ADCY1: variants seen among roughly 807,000 people sequenced by gnomAD.
The protein encoded by ADCY1 is adenylate cyclase type 1.
ADCY1 carries 28 observed loss-of-function variants against 105.4 expected under a neutral mutation model. That is an observed-to-expected ratio of 0.27 (90% CI 0.20 to 0.36). ADCY1 has a LOEUF of 0.36. Among genes scored for constraint, ADCY1 ranks in the 10% least tolerant of loss-of-function variants. The pLI is 1.00. For synonymous variants in ADCY1, 655 were observed against 623.8 expected, an observed-to-expected ratio of 1.05 and a Z score of -0.75; for missense variants, 977 against 1,434.2, an observed-to-expected ratio of 0.68 and a Z score of 5.15.
At chr7:45,711,881 T>C (rs1456510629) in intron 19 of ADCY1, among the ~76,000 whole-genome samples, 4 of 112,796 alleles carry the variant, frequency 3.5e-5, no homozygotes, top group African/African-American at 1.4e-4. Flanking sequence ...ATTAAATATA[T>C]AAATATATTT....
intron 17 of ADCY1, 40 bp downstream of exon 17, chr7:45,704,656 C>A: frequency 6.4e-7 from 1 of 1,550,742 alleles, no homozygotes; most frequent in Non-Finnish European, 8.9e-7. Flanking sequence ...GGACTGGGTC[C>A]AAGCTCTGCC....
At chr7:45,582,915 A>G (rs902383040) in intron 1 of ADCY1, among the ~76,000 whole-genome samples, 3 of 152,170 alleles carry the variant, frequency 2.0e-5, no homozygotes, top group African/African-American at 7.2e-5. Context: ...TGAAGGCAGC[A>G]CAGTCCCTGG....
At chr7:45,588,601 C>T (rs1388249615) in intron 1 of ADCY1, among the ~76,000 whole-genome samples, 1 of 151,336 alleles carries the variant, frequency 6.6e-6, no homozygotes, top group Non-Finnish European at 1.5e-5. Flanking sequence ...AGGGGCTGGC[C>T]CTGGTGATGT....
chr7:45,639,805 C>G (rs1399520490), intron 4 of ADCY1, among the ~76,000 whole-genome samples: 1 of 152,104 alleles, frequency 6.6e-6, no homozygotes, highest in African/African-American at 2.4e-5. Context: ...TGAGGTTAGA[C>G]AACCCCCATG....
intron 6 of ADCY1, among the ~76,000 whole-genome samples, chr7:45,658,650 G>A (rs932204331): frequency 2.6e-5 from 4 of 152,238 alleles, no homozygotes; most frequent in Admixed American, 1.3e-4. Flanking sequence ...TCCCAAGGCC[G>A]GGCTATGCAG....
chr7:45,700,273 A>G (rs998028612), intron 14 of ADCY1, among the ~76,000 whole-genome samples: 4 of 152,188 alleles, frequency 2.6e-5, no homozygotes, highest in African/African-American at 9.7e-5. Flanking sequence ...CCATGCAGAG[A>G]CGTGCATCAC....
chr7:45,662,263 C>A lies in ADCY1; in HGVS notation c.1605+49C>A, dbSNP rs1178392447. 3 of 1,573,590 alleles carry A rather than the reference C, an allele frequency of 1.9e-6. No homozygotes were observed. The South Asian group carries it at 3.5e-5, about 18-fold the overall frequency. ...CATGCTGGAGCTGCCAGGGACTGAT[C>A]TCTGTCCTGCCCTCCCAATATGGCC... On this transcript the variant is annotated intron_variant, in intron 8 of 19. Transcript: ENST00000297323.
intron 1 of ADCY1, among the ~76,000 whole-genome samples, chr7:45,587,558 T>C (rs1435859538): frequency 6.6e-6 from 1 of 152,122 alleles, no homozygotes; most frequent in South Asian, 2.1e-4. Flanking sequence ...CACCTGTCTC[T>C]GGAGGGGAGG....
At chr7:45,681,163 G>A (rs1324424280) in intron 11 of ADCY1, among the ~76,000 whole-genome samples, 2 of 152,196 alleles carry the variant, frequency 1.3e-5, no homozygotes, top group African/African-American at 2.4e-5. Context: ...GAAAACTCTC[G>A]GTTCTAAAAA....
rs1785444249 is a variant in ADCY1 at position 45,720,174 on chromosome 7, C to CT, written c.*6181dup. 6.6e-6 allele frequency: 1 copy of CT among 152,010 alleles called. No individual in the cohort carries two copies. Among genetic ancestry groups the CT allele is most frequent in the Admixed American group, 6.5e-5 (1 of 15,270 alleles). 9.4% of individuals were successfully genotyped at this position (152,010 alleles called of 1,614,324 possible). Reference sequence around the variant, plus strand: ...AGAGCAACAACAGACAGGTGACCTTCTTGGGTTGTGCTTCACAATGGACTG... The same window carrying CT: ...AGAGCAACAACAGACAGGTGACCTTCTTTGGGTTGTGCTTCACAATGGACTG... On this transcript the variant is annotated 3_prime_UTR_variant, in exon 20 of 20. Coordinates refer to ENST00000297323, the MANE Select transcript of ADCY1 (RefSeq NM_021116.4).
intron 8 of ADCY1, 89 bp downstream of exon 8, chr7:45,662,303 C>A: frequency 7.1e-7 from 1 of 1,404,102 alleles, no homozygotes; most frequent in South Asian, 1.4e-5. Context: ...TGCCATTTGG[C>A]TAGATCAGAA....
chr7:45,673,260 G>A (rs575793942), intron 8 of ADCY1, among the ~76,000 whole-genome samples: 5 of 151,898 alleles, frequency 3.3e-5, no homozygotes, highest in African/African-American at 4.8e-5. Flanking sequence ...TACTATCTTC[G>A]TCTGGTGTTG....
At chr7:45,628,864 T>C (rs1053109278) in intron 4 of ADCY1, among the ~76,000 whole-genome samples, 3 of 152,140 alleles carry the variant, frequency 2.0e-5, no homozygotes, top group Non-Finnish European at 4.4e-5. Context: ...CAGCTCCTCA[T>C]GGGGTGAGCA....
Position 45,660,916 on chromosome 7 carries a change from A to C in ADCY1, c.1449+733A>C, listed in dbSNP as rs150978017. 1.3e-3 allele frequency among the ~76,000 whole-genome samples: 182 copies of C among 145,110 alleles called. 1 individual carries two copies. The highest frequency in any genetic ancestry group is 4.3e-3 in the African/African-American group (165 of 38,190). On this transcript the variant is annotated intron_variant, in intron 7 of 19. Transcript: ENST00000297323. ...CAGGGCTCGTGAGGATGCAGGGCTC[A>C]ATTGAGGGTGTAGGGCTCAGGTCAG...
chr7:45,686,253 C>A lies in ADCY1; in HGVS notation c.2327+38C>A, dbSNP rs191885875. ...CTCCTCAAGAAAAAGGCCTAAGCAG[C>A]GGTGCTACTGAATCTGTGTATACAG... is the stretch of plus-strand genomic sequence containing the variant. On this transcript the variant is annotated intron_variant, in intron 13 of 19. Coordinates refer to ENST00000297323, the MANE Select transcript of ADCY1 (RefSeq NM_021116.4). This position sits in a 1 kb window ranked among gnomAD's most constrained non-coding sequence, Gnocchi z 4.3. The A allele has an allele frequency of 5.6e-6, 9 of 1,596,820 alleles. No individual in the cohort carries two copies. Among genetic ancestry groups the A allele is most frequent in the Non-Finnish European group, 7.7e-6 (9 of 1,170,924 alleles).
chr7:45,589,962 G>A (rs1454904372), intron 1 of ADCY1, among the ~76,000 whole-genome samples: 1 of 152,120 alleles, frequency 6.6e-6, no homozygotes, highest in Non-Finnish European at 1.5e-5. Flanking sequence ...TCCCATTCTC[G>A]TGAGGACAGA....
At chr7:45,593,068 T>C (rs1338118488) in intron 2 of ADCY1, among the ~76,000 whole-genome samples, 160 bp downstream of exon 2, 1 of 151,982 alleles carries the variant, frequency 6.6e-6, no homozygotes, top group Non-Finnish European at 1.5e-5. Flanking sequence ...TGCCCTGAGG[T>C]TTTATAGTTA....
At position 45,720,963 on chromosome 7, in the gene ADCY1, G is replaced by C. The variant is rs1215839704; in HGVS notation, c.*6968G>C. 2 of 152,264 alleles carry C rather than the reference G, an allele frequency of 1.3e-5. No individual in the cohort carries two copies. The highest frequency in any genetic ancestry group is 4.8e-5 in the African/African-American group (2 of 41,452). The allele number at this position is 152,264 out of a possible 1,614,324, so 9.4% of individuals were successfully genotyped here. ...GACTTGAGTAAAGTCACACAGCCCT[G>C]AGAGGCAGGACCAGGGTTCCATTCC... On this transcript the variant is annotated 3_prime_UTR_variant, in exon 20 of 20. Transcript: ENST00000297323.
In ADCY1 at chr7:45,673,869, C is replaced by A. The variant is rs556019280; in HGVS notation, c.1606-4000C>A. ...TTAGATTATTGATTTGAGACTTTTTCTTTTTTCTTATGTAAGTATTTAGTA... is the reference window on the plus strand; with the variant it reads ...TTAGATTATTGATTTGAGACTTTTTATTTTTTCTTATGTAAGTATTTAGTA... On this transcript the variant is annotated intron_variant, in intron 8 of 19. Transcript: ENST00000297323. Among the ~76,000 whole-genome samples, 282 of 149,126 alleles carry A rather than the reference C, an allele frequency of 1.9e-3. 1 individual carries two copies. Among genetic ancestry groups the A allele is most frequent in the African/African-American group, 6.8e-3 (272 of 40,288 alleles).
Sources: allele counts gnomAD v4.1 joint callset (sites outside exome capture counted in the v4.1 genomes callset), GRCh38; gene constraint gnomAD v4.1.1; non-coding constraint Gnocchi (gnomAD v3.1); transcripts MANE v1.5; gene names NCBI Gene and HGNC (gene_info 2026-07-23, HGNC 2026-07-21).